Variants in PITPNC1 observed in about 807,000 individuals in gnomAD.
PITPNC1 encodes phosphatidylinositol transfer protein cytoplasmic 1.
Under a neutral mutation model 44.7 loss-of-function variants are expected in PITPNC1, and 18 were observed. The observed-to-expected ratio is 0.40, with a 90% confidence interval of 0.28 to 0.60. The LOEUF is 0.60. Among genes scored for constraint, PITPNC1 ranks in the 20% least tolerant of loss-of-function variants. The pLI, the probability that PITPNC1 is intolerant of heterozygous loss-of-function variation, is 0.39. For synonymous variants in PITPNC1, 141 were observed against 149.6 expected, an observed-to-expected ratio of 0.94 and a Z score of 0.42; for missense variants, 290 against 418.4, an observed-to-expected ratio of 0.69 and a Z score of 2.68.
At chr17:67,438,648 G>A (rs2038970294) in intron 1 of PITPNC1, among the ~76,000 whole-genome samples, 2 of 152,204 alleles carry the variant, frequency 1.3e-5, no homozygotes. Context: ...CACAGAATGT[G>A]TGAATTTTAG....
intron 1 of PITPNC1, among the ~76,000 whole-genome samples, chr17:67,462,938 T>C (rs1041881576): frequency 2.0e-5 from 3 of 151,342 alleles, no homozygotes; most frequent in African/African-American, 7.3e-5. Context: ...CCGACGTCAG[T>C]TGATCCACCC....
At chr17:67,665,686 C>T (rs532997845) in intron 6 of PITPNC1, among the ~76,000 whole-genome samples, 2 of 152,202 alleles carry the variant, frequency 1.3e-5, no homozygotes, top group South Asian at 4.1e-4. Flanking sequence ...TGTGATACGT[C>T]GAATAGGGTT....
Position 67,601,580 on chromosome 17 carries a change from A to G in PITPNC1, c.366+23323A>G, listed in dbSNP as rs1030557763. On this transcript the variant is annotated intron_variant, in intron 5 of 8. Transcript: ENST00000581322. ...AGCCTGGACAACATAGTGAGACCCC[A>G]TCTCTACAAAAAAAAAATTAAAAAA... 7.2e-5 allele frequency among the ~76,000 whole-genome samples: 11 copies of G among 151,986 alleles called. 1 individual carries two copies. The Middle Eastern group carries it at 0.014, about 188-fold the overall frequency.
intron 5 of PITPNC1, among the ~76,000 whole-genome samples, chr17:67,584,341 A>G (rs879550536): frequency 1.3e-5 from 2 of 152,208 alleles, no homozygotes; most frequent in African/African-American, 2.4e-5. Context: ...GAGAATGTCC[A>G]GTTTAGTTCC....
intron 5 of PITPNC1, among the ~76,000 whole-genome samples, chr17:67,619,332 TAGAG>T (rs747741898): frequency 7.4e-4 from 113 of 152,290 alleles, no homozygotes; most frequent in Non-Finnish European, 1.5e-3. Flanking sequence ...TTTAATTTAA[TAGAG>T]AGAAATATTA....
intron 1 of PITPNC1, among the ~76,000 whole-genome samples, chr17:67,523,069 TC>T (rs2040348590): frequency 6.6e-6 from 1 of 152,148 alleles, no homozygotes; most frequent in African/African-American, 2.4e-5. Flanking sequence ...TTTTTTACCA[TC>T]CTAAACTGAA....
chr17:67,532,761 G>T lies in PITPNC1; in HGVS notation c.49-41G>T, dbSNP rs914444236. 2.2e-5 allele frequency: 33 copies of T among 1,509,184 alleles called. No homozygotes were observed. The African/African-American group carries it at 3.5e-4, about 16-fold the overall frequency. The allele number at this position is 1,509,184 out of a possible 1,614,324, so 93.5% of individuals were successfully genotyped here. On this transcript the variant is annotated intron_variant, in intron 1 of 8. Coordinates refer to ENST00000581322, the MANE Select transcript of PITPNC1 (RefSeq NM_012417.4). ...GGTTGGAGGGGGATGTCAGGGGCAC[G>T]CTGTGGGGCTGACCTTTCTGTCTCT... is the stretch of plus-strand genomic sequence containing the variant.
Position 67,675,505 on chromosome 17 carries a change from A to G in PITPNC1, c.645A>G (p.Gly215=), listed in dbSNP as rs1339006483. The change falls in exon 8 of 9, where the codon GGA becomes GGG. Residue 215 remains glycine (G), a synonymous_variant. Transcript: ENST00000581322. ...HKVVRDILLI[G]HRQAFAWVDE... is the part of the protein sequence containing the mutation. ...TGGTCCGAGACATTCTGCTGATTGG[A>G]CATAGACAGGCTTTTGCATGGGTTG... is the stretch of plus-strand genomic sequence containing the variant. 3 of 1,611,284 alleles carry G rather than the reference A, an allele frequency of 1.9e-6. No homozygotes were observed. Among genetic ancestry groups the G allele is most frequent in the Non-Finnish European group, 2.5e-6 (3 of 1,177,428 alleles).
rs536066570 is a variant in PITPNC1, at chr17:67,514,076, C to G, written c.49-18726C>G. Among the ~76,000 whole-genome samples, 34 of 148,744 alleles carry G rather than the reference C, an allele frequency of 2.3e-4. 1 individual carries two copies. Among genetic ancestry groups the G allele is most frequent in the African/African-American group, 6.9e-4 (28 of 40,330 alleles). On this transcript the variant is annotated intron_variant, in intron 1 of 8. Coordinates refer to ENST00000581322, the MANE Select transcript of PITPNC1 (RefSeq NM_012417.4). ...TCGAGATAGAAGAGGGTAGAAGATACGGAGCTTGTTCACTGCCGGGCAGTT... is the reference window on the plus strand; with the variant it reads ...TCGAGATAGAAGAGGGTAGAAGATAGGGAGCTTGTTCACTGCCGGGCAGTT...
At chr17:67,564,081 T>A (rs981846558) in intron 4 of PITPNC1, among the ~76,000 whole-genome samples, 1 of 151,666 alleles carries the variant, frequency 6.6e-6, no homozygotes, top group African/African-American at 2.4e-5. Context: ...ATGGATGGAT[T>A]GATAGATATT....
At chr17:67,623,187 A>T (rs527313232) in intron 5 of PITPNC1, among the ~76,000 whole-genome samples, 3 of 149,592 alleles carry the variant, frequency 2.0e-5, no homozygotes, top group Non-Finnish European at 3.0e-5. Context: ...CTTTAATCGT[A>T]TCTGAAGCAT....
At chr17:67,534,788 A>G (rs2040506418) in intron 2 of PITPNC1, among the ~76,000 whole-genome samples, 1 of 152,184 alleles carries the variant, frequency 6.6e-6, no homozygotes, top group African/African-American at 2.4e-5. Context: ...CGATTGGCCC[A>G]TATGTGATTA....
chr17:67,677,381 A>G (rs2042621460), intron 8 of PITPNC1, among the ~76,000 whole-genome samples: 1 of 152,082 alleles, frequency 6.6e-6, no homozygotes, highest in African/African-American at 2.4e-5. Flanking sequence ...GCCAAAGAAG[A>G]TTTTTCAGCT....
intron 1 of PITPNC1, among the ~76,000 whole-genome samples, chr17:67,512,517 A>AC (rs1183163179): frequency 6.9e-5 from 10 of 145,390 alleles, no homozygotes; most frequent in African/African-American, 9.8e-5. Flanking sequence ...AAAAAAAAAA[A>AC]AAAAAACAGC....
rs140329632 is a variant in PITPNC1, at chr17:67,413,998, A to G, written c.48+35796A>G. The stretch of plus-strand genomic sequence containing the variant: ...TGTAAACACTCCCCTGGAAATGCTG[A>G]TGATAACATGTTACCTTATTTGAAC... On this transcript the variant is annotated intron_variant, in intron 1 of 8. Transcript: ENST00000581322. Among the ~76,000 whole-genome samples, 442 of 152,288 alleles carry G rather than the reference A, an allele frequency of 2.9e-3. 2 individuals carry two copies. The highest frequency in any genetic ancestry group is 0.01 in the African/African-American group (427 of 41,578).
At chr17:67,445,195 A>G (rs35450736) in intron 1 of PITPNC1, among the ~76,000 whole-genome samples, 50,174 of 151,756 alleles carry the variant, frequency 0.33, 8,978 homozygotes, top group Non-Finnish European at 0.39. Flanking sequence ...TTGCCCTGTG[A>G]TATGGGTTCA....
At chr17:67,408,503 C>G (rs2038433633) in intron 1 of PITPNC1, among the ~76,000 whole-genome samples, 2 of 152,244 alleles carry the variant, frequency 1.3e-5, no homozygotes, top group African/African-American at 4.8e-5. Flanking sequence ...ACACTCCAGC[C>G]TGGACGACAG....
At chr17:67,661,780 C>T (rs984239821) in intron 6 of PITPNC1, among the ~76,000 whole-genome samples, 11 of 152,260 alleles carry the variant, frequency 7.2e-5, no homozygotes, top group Non-Finnish European at 1.0e-4. Flanking sequence ...AAGCGGATCA[C>T]GAGGTCAGGA....
At position 67,508,477 on chromosome 17, in the gene PITPNC1, C is replaced by G. The variant is rs908561536; in HGVS notation, c.49-24325C>G. Among the ~76,000 whole-genome samples, 2 of 152,140 alleles carry G rather than the reference C, an allele frequency of 1.3e-5. No homozygotes were observed. Among genetic ancestry groups the G allele is most frequent in the African/African-American group, 4.8e-5 (2 of 41,422 alleles). On this transcript the variant is annotated intron_variant, in intron 1 of 8. Transcript: ENST00000581322. The surrounding 1 kb of genome is among the most constrained non-coding windows in gnomAD (Gnocchi z 4.2). ...GCAGTGAGGACGACCAGAGGTCACTCCTGTCGCCATCTTGGTTTTGGTGGG... is the reference window on the plus strand; with the variant it reads ...GCAGTGAGGACGACCAGAGGTCACTGCTGTCGCCATCTTGGTTTTGGTGGG...
Sources: allele counts gnomAD v4.1 joint callset (sites outside exome capture counted in the v4.1 genomes callset), GRCh38; gene constraint gnomAD v4.1.1; non-coding constraint Gnocchi (gnomAD v3.1); transcripts MANE v1.5; gene names NCBI Gene and HGNC (gene_info 2026-07-23, HGNC 2026-07-21).